The following CYP20A1 variants were observed in gnomAD, a reference collection of about 807,000 sequenced individuals.
CYP20A1 encodes cytochrome P450 20A1.
Under a neutral mutation model 61.4 loss-of-function variants are expected in CYP20A1, and 61 were observed. The ratio of observed to expected loss-of-function variants is 0.99; its 90% CI spans 0.81 to 1.23. The LOEUF is 1.23. Among genes scored for constraint, CYP20A1 ranks in the 50% most tolerant of loss-of-function variants. CYP20A1 has a pLI of 0.00. For missense variants in CYP20A1, 530 were observed against 542.4 expected (o/e 0.98, Z 0.23); for synonymous variants, 193 against 188.2 (o/e 1.03, Z -0.21).
chr2:203,296,445 T>C, intron 11 of CYP20A1, 29 bp from the exon 12 acceptor site: 2 of 1,451,152 alleles, frequency 1.4e-6, no homozygotes, highest in Non-Finnish European at 1.9e-6. Flanking sequence ...TGGAGCTATA[T>C]TGTGATTAAC....
chr2:203,290,445 GTA>G (rs1319880012), intron 10 of CYP20A1, among the ~76,000 whole-genome samples: 1 of 152,096 alleles, frequency 6.6e-6, no homozygotes, highest in Non-Finnish European at 1.5e-5. Flanking sequence ...ATTACTCTGT[GTA>G]TATATGTATA....
Position 203,302,137 on chromosome 2 carries a change from G to C in CYP20A1, c.*5229G>C, listed in dbSNP as rs2069048546. 6.6e-6 allele frequency among the ~76,000 whole-genome samples: 1 copy of C among 152,024 alleles called. No homozygotes were observed. On this transcript the variant is annotated 3_prime_UTR_variant, in exon 13 of 13. Transcript: ENST00000356079. ...GATGGGGTTTCACCATGTTGGCCAG[G>C]CTGGCCTCGAACTCCTCAACCTCAA... is the stretch of plus-strand genomic sequence containing the variant.
At chr2:203,277,618 C>T (rs1157550399) in intron 6 of CYP20A1, among the ~76,000 whole-genome samples, 2 of 151,926 alleles carry the variant, frequency 1.3e-5, no homozygotes, top group African/African-American at 4.8e-5. Flanking sequence ...CAGGTTCAAG[C>T]GATTCTCCTG....
At chr2:203,264,752 C>T (rs1237418794) in intron 4 of CYP20A1, among the ~76,000 whole-genome samples, 5 of 151,948 alleles carry the variant, frequency 3.3e-5, no homozygotes, top group African/African-American at 9.7e-5. Context: ...GTTTTTTAGA[C>T]GGAGTCTCAC....
chr2:203,247,921 G>C (rs1315603410), intron 3 of CYP20A1, among the ~76,000 whole-genome samples: 2 of 151,646 alleles, frequency 1.3e-5, no homozygotes, highest in Non-Finnish European at 2.9e-5. Context: ...GTATTATAAA[G>C]CTAGATTAAA....
intron 1 of CYP20A1, among the ~76,000 whole-genome samples, chr2:203,239,955 C>T (rs1360857063): frequency 6.6e-6 from 1 of 152,096 alleles, no homozygotes; most frequent in Non-Finnish European, 1.5e-5. Context: ...CATTAGCTGG[C>T]TGTGGTGGCG....
intron 3 of CYP20A1, among the ~76,000 whole-genome samples, chr2:203,248,500 C>T (rs2066541184): frequency 6.6e-6 from 1 of 152,004 alleles, no homozygotes; most frequent in East Asian, 1.9e-4. Context: ...TACCACTGCG[C>T]TCCAGCCTGG....
intron 5 of CYP20A1, among the ~76,000 whole-genome samples, chr2:203,266,965 A>G (rs1001297427): frequency 6.6e-6 from 1 of 152,042 alleles, no homozygotes; most frequent in Non-Finnish European, 1.5e-5. Context: ...TCAGTGACAG[A>G]GTAAGACTTT....
At position 203,296,370 on chromosome 2, in the gene CYP20A1, T is replaced by G. The variant is rs2068795656; in HGVS notation, c.1149-104T>G. 5 of 626,618 alleles carry G rather than the reference T, an allele frequency of 8.0e-6. No individual in the cohort carries two copies. In the East Asian group the frequency reaches 9.3e-5, roughly 12 times the overall value. The allele number at this position is 626,618 out of a possible 1,614,324, so 38.8% of individuals were successfully genotyped here. A position where few individuals can be genotyped will look rare whatever the true frequency, so the allele number is the denominator to read the frequency against. Reference sequence around the variant, plus strand: ...AATATAATGTAAGAGCACTTTCTATTTTCAGTTGATTTTTAACTTTGTTAC... The same window carrying G: ...AATATAATGTAAGAGCACTTTCTATGTTCAGTTGATTTTTAACTTTGTTAC... On this transcript the variant is annotated intron_variant, in intron 11 of 12. Coordinates refer to ENST00000356079, the MANE Select transcript of CYP20A1 (RefSeq NM_177538.3).
intron 4 of CYP20A1, among the ~76,000 whole-genome samples, chr2:203,265,407 A>G (rs2067284285): frequency 6.6e-6 from 1 of 152,168 alleles, no homozygotes; most frequent in South Asian, 2.1e-4. Flanking sequence ...AACTTTTACC[A>G]ATTACTCAAC....
chr2:203,270,147 C>T (rs1306108556), intron 5 of CYP20A1, among the ~76,000 whole-genome samples: 1 of 152,040 alleles, frequency 6.6e-6, no homozygotes, highest in African/African-American at 2.4e-5. Flanking sequence ...TTAGTCCCAA[C>T]TGCTTGTGAG....
Position 203,246,802 on chromosome 2 carries a change from T to TC in CYP20A1, c.172dup (p.Leu58ProfsTer3). On this transcript the variant is annotated frameshift_variant, in exon 3 of 13. Coordinates refer to ENST00000356079, the MANE Select transcript of CYP20A1 (RefSeq NM_177538.3). LOFTEE classifies it high-confidence loss of function. ...GTGAATAGTGGAAGTTTGCATGAGT[T>TC]CCTGGTTAATTTGCATGAGAGATAT... 6.2e-7 allele frequency: 1 copy of TC among 1,614,172 alleles called. No homozygotes were observed. The highest frequency in any genetic ancestry group is 8.5e-7 in the Non-Finnish European group (1 of 1,180,042).
At chr2:203,280,359 G>C (rs2067993456) in intron 8 of CYP20A1, among the ~76,000 whole-genome samples, 2 of 152,130 alleles carry the variant, frequency 1.3e-5, no homozygotes, top group Non-Finnish European at 2.9e-5. Flanking sequence ...AGGCTACAGT[G>C]AACTGTGATT....
chr2:203,258,506 T>G (rs138642958), intron 4 of CYP20A1, among the ~76,000 whole-genome samples: 319 of 152,264 alleles, frequency 2.1e-3, no homozygotes, highest in African/African-American at 7.3e-3. Context: ...CTCAGTCCAC[T>G]GTAAGCATTA....
intron 1 of CYP20A1, among the ~76,000 whole-genome samples, chr2:203,239,969 G>T (rs1346680577): frequency 1.3e-5 from 2 of 152,120 alleles, no homozygotes; most frequent in Non-Finnish European, 2.9e-5. Context: ...GGTGGCGGGC[G>T]CCTGTAATCC....
At position 203,244,747 on chromosome 2, in the gene CYP20A1, T is replaced by G. The variant is rs982694231; in HGVS notation, c.73-1099T>G. ...TGAAATAATTCTTTTTTTTTTTTTT[T>G]TTTGAGACGGAGTCTTTCTCTGTCG... On this transcript the variant is annotated intron_variant, in intron 1 of 12. Coordinates refer to ENST00000356079, the MANE Select transcript of CYP20A1 (RefSeq NM_177538.3). Among the ~76,000 whole-genome samples, 78 of 151,304 alleles carry G rather than the reference T, an allele frequency of 5.2e-4. 1 individual carries two copies. Among genetic ancestry groups the G allele is most frequent in the South Asian group, 1.0e-3 (5 of 4,788 alleles).
chr2:203,293,372 C>T (rs527806533), intron 11 of CYP20A1, among the ~76,000 whole-genome samples: 26 of 151,098 alleles, frequency 1.7e-4, no homozygotes, highest in African/African-American at 5.6e-4. Context: ...CCCGCCACCA[C>T]GCCCAGCTAA....
At chr2:203,292,569 C>T (rs2068582950) in intron 11 of CYP20A1, among the ~76,000 whole-genome samples, 1 of 152,198 alleles carries the variant, frequency 6.6e-6, no homozygotes, top group Non-Finnish European at 1.5e-5. Context: ...AGCCATCCTT[C>T]TGCGTCAGCC....
At chr2:203,247,513 C>T (rs774974250) in intron 3 of CYP20A1, among the ~76,000 whole-genome samples, 1 of 151,920 alleles carries the variant, frequency 6.6e-6, no homozygotes, top group Non-Finnish European at 1.5e-5. Context: ...CAAGGTATAT[C>T]TGGAAGAGTA....
Sources: allele counts gnomAD v4.1 joint callset (sites outside exome capture counted in the v4.1 genomes callset), GRCh38; gene constraint gnomAD v4.1.1; transcripts MANE v1.5; gene names NCBI Gene and HGNC (gene_info 2026-07-23, HGNC 2026-07-21).